KIAA1328: variants seen among roughly 807,000 people sequenced by gnomAD.
KIAA1328 encodes the protein protein hinderin.
KIAA1328 carries 52 observed loss-of-function variants against 68.1 expected under a neutral mutation model. The ratio of observed to expected loss-of-function variants is 0.76; its 90% CI spans 0.61 to 0.96. The LOEUF is 0.96. Ranked by LOEUF, KIAA1328 falls within the 40% of genes least tolerant of loss-of-function variation. The pLI, the probability that KIAA1328 is intolerant of heterozygous loss-of-function variation, is 0.00. For synonymous variants in KIAA1328, 232 were observed against 239.4 expected (o/e 0.97, Z 0.28); for missense variants, 641 against 677.6 (o/e 0.95, Z 0.60).
intron 4 of KIAA1328, among the ~76,000 whole-genome samples, chr18:36,862,991 C>G (rs2047616794): frequency 6.6e-6 from 1 of 151,978 alleles, no homozygotes; most frequent in African/African-American, 2.4e-5. Context: ...TCCTTTAGCC[C>G]CATTTCTTAT....
chr18:37,049,540 A>G (rs1221916490), intron 6 of KIAA1328, among the ~76,000 whole-genome samples: 1 of 152,210 alleles, frequency 6.6e-6, no homozygotes, highest in African/African-American at 2.4e-5. Flanking sequence ...TAAGATTTCT[A>G]AACAATCTTG....
intron 9 of KIAA1328, among the ~76,000 whole-genome samples, chr18:37,204,905 A>C (rs1475083323): frequency 6.6e-6 from 1 of 152,152 alleles, no homozygotes; most frequent in Non-Finnish European, 1.5e-5. Context: ...AAATTCTTTT[A>C]AAATCTCTTT....
At chr18:37,123,772 C>A (rs1056292620) in intron 7 of KIAA1328, among the ~76,000 whole-genome samples, 7 of 151,980 alleles carry the variant, frequency 4.6e-5, no homozygotes, top group Admixed American at 2.0e-4. Context: ...GTGGAACAAC[C>A]GTTTGTACAA....
At chr18:37,086,514 T>A (rs1448686673) in intron 7 of KIAA1328, among the ~76,000 whole-genome samples, 1 of 152,196 alleles carries the variant, frequency 6.6e-6, no homozygotes, top group Non-Finnish European at 1.5e-5. Flanking sequence ...TTATCTTATA[T>A]TCCTTTTTTC....
downstream of KIAA1328, chr18:37,229,649 C>T (rs542307782): frequency 5.3e-5 from 47 of 883,078 alleles, no homozygotes; most frequent in East Asian, 4.6e-4. Context: ...CCGAGGCAGC[C>T]GGATCATGAG....
rs965929685 is a variant in KIAA1328 at position 36,863,478 on chromosome 18, C to A, written c.332+19176C>A. On this transcript the variant is annotated intron_variant, in intron 4 of 9. Coordinates refer to ENST00000280020, the MANE Select transcript of KIAA1328 (RefSeq NM_020776.3). ...TGACTTTTCCTACTCTATTCTTTTT[C>A]AAAATTATTTTAGCTCTTCTAGTCC... Among the ~76,000 whole-genome samples, 6 of 152,150 alleles carry A rather than the reference C, an allele frequency of 3.9e-5. No homozygotes were observed. In the East Asian group the frequency reaches 1.2e-3, roughly 29 times the overall value.
intron 7 of KIAA1328, among the ~76,000 whole-genome samples, chr18:37,080,074 C>T (rs940971308): frequency 6.6e-6 from 1 of 152,126 alleles, no homozygotes; most frequent in Admixed American, 6.5e-5. Flanking sequence ...TCACAGTATA[C>T]TCTGGTGGTA....
chr18:37,123,863 C>A (rs536281505), intron 7 of KIAA1328, among the ~76,000 whole-genome samples: 2 of 152,260 alleles, frequency 1.3e-5, no homozygotes, highest in East Asian at 3.9e-4. Flanking sequence ...AAATTCAATT[C>A]TTGCAGCTTA....
At chr18:36,916,621 T>C (rs1207415147) in intron 5 of KIAA1328, among the ~76,000 whole-genome samples, 3 of 152,178 alleles carry the variant, frequency 2.0e-5, no homozygotes, top group Admixed American at 6.5e-5. Flanking sequence ...TCCTAAGCAA[T>C]TTATAGAAAT....
intron 6 of KIAA1328, among the ~76,000 whole-genome samples, chr18:37,058,595 C>T (rs1342500682): frequency 6.6e-6 from 1 of 151,854 alleles, no homozygotes; most frequent in Non-Finnish European, 1.5e-5. Flanking sequence ...CCCTGTAGTC[C>T]CAACTACTTG....
chr18:36,848,672 C>G (rs757485179), intron 4 of KIAA1328, among the ~76,000 whole-genome samples: 1 of 146,612 alleles, frequency 6.8e-6, no homozygotes, highest in Non-Finnish European at 1.5e-5. Flanking sequence ...CCATTATGTA[C>G]AATGTAAGCT....
intron 9 of KIAA1328, among the ~76,000 whole-genome samples, chr18:37,219,629 T>C (rs974512930): frequency 1.7e-4 from 26 of 152,238 alleles, no homozygotes; most frequent in Admixed American, 1.4e-3. Context: ...TGGGACCTAC[T>C]GAGCCAGGTG....
chr18:36,856,990 A>G (rs1446250122), intron 4 of KIAA1328, among the ~76,000 whole-genome samples: 2 of 152,152 alleles, frequency 1.3e-5, no homozygotes, highest in African/African-American at 4.8e-5. Flanking sequence ...AAAAAGAGAA[A>G]AACATACTCT....
At chr18:37,203,213 A>G (rs2060147131) in intron 9 of KIAA1328, among the ~76,000 whole-genome samples, 1 of 152,152 alleles carries the variant, frequency 6.6e-6, no homozygotes, top group Non-Finnish European at 1.5e-5. Flanking sequence ...AACCTTATAA[A>G]CAGATCCACC....
chr18:36,879,211 G>T (rs1438776304), intron 4 of KIAA1328, among the ~76,000 whole-genome samples: 4 of 151,510 alleles, frequency 2.6e-5, no homozygotes, highest in Non-Finnish European at 4.4e-5. Flanking sequence ...TTTTTCATGG[G>T]TGTCCTTTTT....
intron 7 of KIAA1328, chr18:37,075,251 G>A (rs1011432303): frequency 6.6e-6 from 1 of 151,898 alleles, no homozygotes; most frequent in Non-Finnish European, 1.5e-5. Context: ...AAGTGAAGGA[G>A]AAATAAAATC....
intron 6 of KIAA1328, among the ~76,000 whole-genome samples, chr18:37,055,460 C>A (rs1287801841): frequency 1.3e-5 from 2 of 152,142 alleles, no homozygotes; most frequent in Non-Finnish European, 2.9e-5. Flanking sequence ...GGTAATCTAC[C>A]TTGATGATCT....
intron 5 of KIAA1328, among the ~76,000 whole-genome samples, chr18:36,947,549 AGAAAG>A (rs2050951968): frequency 6.6e-6 from 1 of 152,216 alleles, no homozygotes; most frequent in Non-Finnish European, 1.5e-5. Flanking sequence ...AGGAATCAAT[AGAAAG>A]GAGTGTCTGG....
At chr18:37,208,255 G>A (rs2060253540) in intron 9 of KIAA1328, among the ~76,000 whole-genome samples, 1 of 152,170 alleles carries the variant, frequency 6.6e-6, no homozygotes, top group Admixed American at 6.5e-5. Context: ...GAAAAACCAA[G>A]CTTGAAGGAT....
Sources: allele counts gnomAD v4.1 joint callset (sites outside exome capture counted in the v4.1 genomes callset), GRCh38; gene constraint gnomAD v4.1.1; transcripts MANE v1.5; gene names NCBI Gene and HGNC (gene_info 2026-07-23, HGNC 2026-07-21).